NRG1: variants seen among roughly 807,000 people sequenced by gnomAD.
The protein encoded by NRG1 is neuregulin 1.
NRG1 carries 18 observed loss-of-function variants against 63.8 expected under a neutral mutation model. The observed-to-expected ratio is 0.28, with a 90% CI of 0.19 to 0.42. The LOEUF (loss-of-function observed/expected upper bound fraction) is 0.42. NRG1 is among the 10% of genes least tolerant of loss of function. The probability of loss-of-function intolerance (pLI) is 1.00; values close to 1 mark genes in which losing one functional copy is unlikely to be tolerated. For missense variants in NRG1, 762 were observed against 814.7 expected (o/e 0.94, Z 0.79); for synonymous variants, 302 against 301.3 (o/e 1.00, Z -0.02).
At chr8:32,604,363 A>G (rs1844896470) in intron 2 of NRG1, among the ~76,000 whole-genome samples, 1 of 152,194 alleles carries the variant, frequency 6.6e-6, no homozygotes, top group Admixed American at 6.6e-5. Context: ...TATATTTGGA[A>G]CAATTGATTT....
chr8:32,000,306 A>G (rs1812709807), intron 1 of NRG1, among the ~76,000 whole-genome samples: 3 of 151,966 alleles, frequency 2.0e-5, no homozygotes, highest in South Asian at 4.1e-4. Context: ...TTGCAAGGTC[A>G]GTGTCTCAGT....
chr8:31,919,430 T>A (rs887230421), intron 1 of NRG1, among the ~76,000 whole-genome samples: 5 of 151,898 alleles, frequency 3.3e-5, no homozygotes, highest in African/African-American at 1.2e-4. Context: ...CATTGAAATA[T>A]TAAATCCAAA....
In NRG1 at chr8:32,250,420, G is replaced by A. The variant is rs185080443; in HGVS notation, c.38-345408G>A. Among the ~76,000 whole-genome samples, 212 of 152,170 alleles carry A rather than the reference G, an allele frequency of 1.4e-3. 1 individual carries two copies. The highest frequency in any genetic ancestry group is 4.7e-3 in the African/African-American group (195 of 41,522). On this transcript the variant is annotated intron_variant, in intron 1 of 10. Coordinates refer to the NRG1 transcript ENST00000519301. ...CTTTTTGCCACTGAGATCCACCATC[G>A]AAAATGCATTCATTATTACCTCTGC...
At chr8:32,575,508 A>G (rs1268004844) in intron 1 of NRG1, among the ~76,000 whole-genome samples, 1 of 151,996 alleles carries the variant, frequency 6.6e-6, no homozygotes, top group Non-Finnish European at 1.5e-5. Flanking sequence ...AGTAAAGGAA[A>G]AGTTGTATTT....
intron 1 of NRG1, among the ~76,000 whole-genome samples, chr8:31,980,669 G>T (rs991127981): frequency 3.3e-5 from 5 of 151,894 alleles, no homozygotes; most frequent in African/African-American, 7.2e-5. Context: ...TTACCATAAA[G>T]GTTTAGGTCT....
At chr8:32,157,259 G>C (rs1449928781) in intron 1 of NRG1, among the ~76,000 whole-genome samples, 2 of 151,166 alleles carry the variant, frequency 1.3e-5, no homozygotes, top group Non-Finnish European at 2.9e-5. Context: ...CAGCTACTCG[G>C]GAGGCTGAGG....
intron 5 of NRG1, among the ~76,000 whole-genome samples, chr8:32,677,864 A>G (rs1340392775): frequency 6.6e-6 from 1 of 152,138 alleles, no homozygotes; most frequent in Non-Finnish European, 1.5e-5. Flanking sequence ...AAGAGTAAGC[A>G]CATTTCTAAC....
At chr8:32,511,367 G>GTGTATATATATATATATATATA (rs1338353608) in intron 1 of NRG1, among the ~76,000 whole-genome samples, 1 of 122,078 alleles carries the variant, frequency 8.2e-6, no homozygotes, top group African/African-American at 3.1e-5. Flanking sequence ...ATATATATGT[G>GTGTATATATATATATATATATA]TATATATATA....
At chr8:31,999,722 G>A (rs1016610261) in intron 1 of NRG1, among the ~76,000 whole-genome samples, 2 of 151,900 alleles carry the variant, frequency 1.3e-5, no homozygotes, top group Non-Finnish European at 2.9e-5. Flanking sequence ...GAACAGGATA[G>A]TCTCTCTCCT....
chr8:31,707,661 G>A (rs1811281743), intron 1 of NRG1, among the ~76,000 whole-genome samples: 1 of 151,928 alleles, frequency 6.6e-6, no homozygotes, highest in Non-Finnish European at 1.5e-5. Context: ...CTCTAATGGT[G>A]CTTTAAATCA....
chr8:32,741,001 T>C (rs962559224), intron 6 of NRG1, among the ~76,000 whole-genome samples: 1 of 152,168 alleles, frequency 6.6e-6, no homozygotes, highest in Non-Finnish European at 1.5e-5. Context: ...AAAATGATGG[T>C]CTTTCTATCT....
intron 1 of NRG1, among the ~76,000 whole-genome samples, chr8:32,174,048 C>T (rs866401297): frequency 6.6e-6 from 1 of 152,180 alleles, no homozygotes; most frequent in Non-Finnish European, 1.5e-5. Flanking sequence ...TTCTTCTCAG[C>T]ACCACACCAC....
At chr8:31,982,385 G>A (rs559403242) in intron 1 of NRG1, among the ~76,000 whole-genome samples, 1 of 152,136 alleles carries the variant, frequency 6.6e-6, no homozygotes, top group South Asian at 2.1e-4. Context: ...ACCATTTGAA[G>A]GCTATCACAA....
At chr8:31,928,122 G>A (rs1834544469) in intron 1 of NRG1, among the ~76,000 whole-genome samples, 1 of 151,464 alleles carries the variant, frequency 6.6e-6, no homozygotes, top group Non-Finnish European at 1.5e-5. Flanking sequence ...GAGTTAGCAG[G>A]ATATGGTTGT....
At chr8:31,641,495 TG>T (rs1314158961) in intron 1 of NRG1, among the ~76,000 whole-genome samples, 1 of 152,212 alleles carries the variant, frequency 6.6e-6, no homozygotes, top group Non-Finnish European at 1.5e-5. Flanking sequence ...AGCAATTATT[TG>T]CTACACCTTT....
rs181290183 is a variant in NRG1, at chr8:32,163,118, G to A, written c.38-432710G>A. On this transcript the variant is annotated intron_variant, in intron 1 of 10. Transcript: ENST00000519301. The stretch of plus-strand genomic sequence containing the variant: ...AATGAATCATATTTATCCAATAAGT[G>A]GTTCAACAATTACAAGAGCGAGACA... Among the ~76,000 whole-genome samples, 103 of 152,300 alleles carry A rather than the reference G, an allele frequency of 6.8e-4. 1 individual carries two copies. The highest frequency in any genetic ancestry group is 8.7e-4 in the Non-Finnish European group (59 of 68,030).
chr8:31,720,160 T>C (rs1485810497), intron 1 of NRG1, among the ~76,000 whole-genome samples: 1 of 152,218 alleles, frequency 6.6e-6, no homozygotes, highest in African/African-American at 2.4e-5. Context: ...TGTATTTTAA[T>C]GATTTAATTA....
intron 1 of NRG1, among the ~76,000 whole-genome samples, chr8:31,699,437 T>C (rs1810410184): frequency 6.6e-6 from 1 of 152,198 alleles, no homozygotes; most frequent in African/African-American, 2.4e-5. Flanking sequence ...AAGAAAAACA[T>C]ATTGTTTAGT....
At chr8:32,763,445 G>T in intron 11 of NRG1, 2 of 1,412,106 alleles carry the variant, frequency 1.4e-6, no homozygotes. Flanking sequence ...AGGACCTAAT[G>T]CCTTCTTGTC....
Sources: gnomAD v4.1 joint callset for allele counts (sites outside exome capture counted in the v4.1 genomes callset) on GRCh38, gnomAD v4.1.1 for gene constraint, MANE v1.5 for transcripts, NCBI Gene and HGNC (gene_info 2026-07-23, HGNC 2026-07-21) for gene names.